Variants in DPYD observed in about 807,000 individuals in gnomAD.
DPYD encodes the protein dihydropyrimidine dehydrogenase, also known as dihydropyrimidine dehydrogenase [NADP(+)].
Under a neutral mutation model 116.2 loss-of-function variants are expected in DPYD, and 109 were observed. That is an observed-to-expected ratio of 0.94 (90% CI 0.80 to 1.10). DPYD has a LOEUF of 1.10. DPYD is among the 50% of genes least tolerant of loss of function. The pLI is 0.00. For synonymous variants in DPYD, 440 were observed against 432.0 expected (o/e 1.02, Z -0.23); for missense variants, 1,302 against 1,254.5 (o/e 1.04, Z -0.57).
At chr1:97,112,135 A>C (rs867729322) in intron 20 of DPYD, among the ~76,000 whole-genome samples, 14 of 152,226 alleles carry the variant, frequency 9.2e-5, no homozygotes, top group Middle Eastern at 6.8e-3. Context: ...TTATGTACAC[A>C]GTGACACTAT....
intron 7 of DPYD, among the ~76,000 whole-genome samples, chr1:97,687,971 G>C (rs1179373687): frequency 6.6e-6 from 1 of 152,124 alleles, no homozygotes; most frequent in Non-Finnish European, 1.5e-5. Context: ...ACTGGGGCCA[G>C]TTGAGTGGGG....
chr1:97,129,875 T>A (rs934451635), intron 20 of DPYD, among the ~76,000 whole-genome samples: 1 of 152,228 alleles, frequency 6.6e-6, no homozygotes, highest in African/African-American at 2.4e-5. Context: ...CGTTACCCAT[T>A]TCACAGTGTG....
At position 97,587,907 on chromosome 1, in the gene DPYD, A is replaced by G. The variant is rs1026582048; in HGVS notation, c.1128+5311T>C. Among the ~76,000 whole-genome samples the G allele has an allele frequency of 4.6e-5, 7 of 152,174 alleles. No individual in the cohort carries two copies. The East Asian group carries it at 1.2e-3, about 25-fold the overall frequency. On this transcript the variant is annotated intron_variant, in intron 10 of 22. Coordinates refer to ENST00000370192, the MANE Select transcript of DPYD (RefSeq NM_000110.4). ...AACTATCCATAGACATAGCTTTAAC[A>G]TGGTCCTTTGACATTAAAAATATCT...
At chr1:97,907,013 G>C (rs1222066225) in intron 1 of DPYD, among the ~76,000 whole-genome samples, 3 of 152,054 alleles carry the variant, frequency 2.0e-5, no homozygotes, top group Non-Finnish European at 4.4e-5. Flanking sequence ...ACAGTCATCT[G>C]AGAACTAGCA....
intron 2 of DPYD, among the ~76,000 whole-genome samples, chr1:97,830,858 G>A (rs778654324): frequency 2.0e-5 from 3 of 152,162 alleles, no homozygotes; most frequent in Non-Finnish European, 2.9e-5. Flanking sequence ...GTGTTTCAGA[G>A]TACCTTCACT....
intron 20 of DPYD, among the ~76,000 whole-genome samples, chr1:97,129,362 G>T (rs1300297343): frequency 1.3e-5 from 2 of 152,036 alleles, no homozygotes; most frequent in Non-Finnish European, 2.9e-5. Context: ...CACCACACCC[G>T]GTCCTGCTGT....
chr1:97,257,452 T>TATATATATATATATAGAGAGAGAG (rs375490078), intron 18 of DPYD, among the ~76,000 whole-genome samples: 15 of 126,472 alleles, frequency 1.2e-4, no homozygotes, highest in South Asian at 5.4e-4. Context: ...TATATATATA[T>TATATATATATATATAGAGAGAGAG]AGAGAGAGAG....
At chr1:97,495,453 A>G (rs1679208000) in intron 13 of DPYD, among the ~76,000 whole-genome samples, 1 of 152,148 alleles carries the variant, frequency 6.6e-6, no homozygotes, top group Non-Finnish European at 1.5e-5. Flanking sequence ...CTGTTTTTCA[A>G]CTTTATTCAT....
At chr1:97,396,244 A>C (rs1057425132) in intron 14 of DPYD, among the ~76,000 whole-genome samples, 3 of 151,794 alleles carry the variant, frequency 2.0e-5, no homozygotes, top group African/African-American at 7.3e-5. Context: ...GAAAAAAAAA[A>C]CTTCAAGAAG....
intron 5 of DPYD, among the ~76,000 whole-genome samples, chr1:97,700,555 T>C (rs1420975560): frequency 6.6e-6 from 1 of 152,020 alleles, no homozygotes; most frequent in East Asian, 1.9e-4. Flanking sequence ...TAAATGACAG[T>C]GATCAGTCCT....
At chr1:97,740,596 T>C in intron 3 of DPYD, 117 bp from the exon 4 acceptor site, 1 of 904,976 alleles carries the variant, frequency 1.1e-6, no homozygotes, top group Non-Finnish European at 1.7e-6. Flanking sequence ...GTATCATTTT[T>C]AGGTACAAAA....
chr1:97,775,381 C>G (rs1024221112), intron 3 of DPYD, among the ~76,000 whole-genome samples: 1 of 152,104 alleles, frequency 6.6e-6, no homozygotes, highest in Non-Finnish European at 1.5e-5. Context: ...AATTTCCCCC[C>G]CTGCTCTTGG....
At chr1:97,368,670 A>G (rs1557662420) in intron 16 of DPYD, among the ~76,000 whole-genome samples, 2 of 152,182 alleles carry the variant, frequency 1.3e-5, no homozygotes, top group East Asian at 3.9e-4. Flanking sequence ...AAAGACAACA[A>G]TGTCAGGAAC....
intron 13 of DPYD, among the ~76,000 whole-genome samples, chr1:97,499,300 C>A (rs1414160488): frequency 6.6e-6 from 1 of 151,676 alleles, no homozygotes; most frequent in African/African-American, 2.4e-5. Flanking sequence ...GACTTTGTAA[C>A]CTATGCTTCA....
At chr1:97,698,442 C>CA (rs35544114) in intron 6 of DPYD, among the ~76,000 whole-genome samples, 2 of 151,410 alleles carry the variant, frequency 1.3e-5, no homozygotes, top group East Asian at 1.9e-4. Context: ...TCACTGGTGC[C>CA]AAAAAACATA....
intron 14 of DPYD, among the ~76,000 whole-genome samples, chr1:97,419,351 CTCT>C (rs925698561): frequency 5.9e-5 from 9 of 152,252 alleles, no homozygotes; most frequent in Non-Finnish European, 1.0e-4. Flanking sequence ...AACTCATCAC[CTCT>C]TCCACTTCCA....
At chr1:97,428,043 A>G (rs960338107) in intron 14 of DPYD, among the ~76,000 whole-genome samples, 29 of 152,128 alleles carry the variant, frequency 1.9e-4, no homozygotes, top group Admixed American at 1.3e-4. Context: ...TCTACTATTC[A>G]ATACACACTG....
At chr1:97,079,723 A>C (rs760336799) in intron 22 of DPYD, among the ~76,000 whole-genome samples, 3 of 152,164 alleles carry the variant, frequency 2.0e-5, no homozygotes, top group Non-Finnish European at 2.9e-5. Context: ...AAGGGGAAAA[A>C]CACTGAATGG....
At chr1:97,824,372 T>C (rs1669120369) in intron 3 of DPYD, among the ~76,000 whole-genome samples, 2 of 152,284 alleles carry the variant, frequency 1.3e-5, no homozygotes, top group African/African-American at 4.8e-5. Flanking sequence ...CTCTGTTAAG[T>C]GAGAGGCAGT....
Sources: allele counts gnomAD v4.1 joint callset (sites outside exome capture counted in the v4.1 genomes callset), GRCh38; gene constraint gnomAD v4.1.1; transcripts MANE v1.5; gene names NCBI Gene and HGNC (gene_info 2026-07-23, HGNC 2026-07-21).